DLGAP2: variants seen among roughly 807,000 people sequenced by gnomAD.
The protein encoded by DLGAP2 is DLG associated protein 2, also known as disks large-associated protein 2.
Under a neutral mutation model 100.3 loss-of-function variants are expected in DLGAP2, and 26 were observed. The observed-to-expected ratio is 0.26, with a 90% CI of 0.19 to 0.36. The LOEUF (loss-of-function observed/expected upper bound fraction) is 0.36, where lower values mean the gene tolerates loss of function less well. DLGAP2 is among the 10% of genes least tolerant of loss of function. DLGAP2 has a pLI of 1.00. For synonymous variants in DLGAP2, 886 were observed against 630.1 expected, an observed-to-expected ratio of 1.41 and a Z score of -6.08; for missense variants, 1,858 against 1,453.2, an observed-to-expected ratio of 1.28 and a Z score of -4.53.
chr8:926,636 C>T (rs573267306), intron 2 of DLGAP2, among the ~76,000 whole-genome samples: 20 of 152,184 alleles, frequency 1.3e-4, no homozygotes, highest in African/African-American at 4.1e-4. Context: ...TCTCTGGAAC[C>T]GCCTGGGCGG....
intron 1 of DLGAP2, among the ~76,000 whole-genome samples, chr8:801,374 C>G (rs1384486549): frequency 6.6e-6 from 1 of 152,074 alleles, no homozygotes. Flanking sequence ...TAAAGAGAAA[C>G]TGAGGAAGAT....
chr8:1,557,623 C>T (rs186762579), intron 5 of DLGAP2, among the ~76,000 whole-genome samples: 9 of 152,216 alleles, frequency 5.9e-5, no homozygotes, highest in Admixed American at 2.6e-4. Flanking sequence ...CATACACACC[C>T]GGGGGGCGTG....
intron 2 of DLGAP2, among the ~76,000 whole-genome samples, chr8:1,024,638 C>A (rs1801738574): frequency 1.3e-5 from 2 of 152,172 alleles, no homozygotes; most frequent in South Asian, 4.1e-4. Context: ...TGACTGGAGA[C>A]AGAACTAAAA....
intron 3 of DLGAP2, among the ~76,000 whole-genome samples, chr8:1,488,674 C>A (rs1799291739): frequency 6.6e-6 from 1 of 152,178 alleles, no homozygotes. Context: ...ATCCATGCTG[C>A]CACGGAGTAG....
chr8:1,045,502 A>C (rs1802490174), intron 2 of DLGAP2, among the ~76,000 whole-genome samples: 1 of 152,192 alleles, frequency 6.6e-6, no homozygotes, highest in Non-Finnish European at 1.5e-5. Flanking sequence ...TCTTGGATGA[A>C]ACCCTTAAAA....
intron 1 of DLGAP2, among the ~76,000 whole-genome samples, chr8:885,342 A>G (rs1797902713): frequency 6.6e-6 from 1 of 152,128 alleles, no homozygotes; most frequent in South Asian, 2.1e-4. Context: ...GGTCCTTCAC[A>G]TCCCTTGTTA....
At position 790,768 on chromosome 8, in the gene DLGAP2, C is replaced by T. The variant is rs148065416; in HGVS notation, c.18+52943C>T. 4.0e-3 allele frequency among the ~76,000 whole-genome samples: 604 copies of T among 152,106 alleles called. 5 individuals carry two copies. The highest frequency in any genetic ancestry group is 0.014 in the African/African-American group (566 of 41,476). On this transcript the variant is annotated intron_variant, in intron 1 of 14. Transcript: ENST00000637795. ...TTTTTTTGTGTGTGTGTTTTTGAAA[C>T]AGGGTTTCTTTCTGTTGCCCAGGCT...
At chr8:1,683,834 C>CTATATATATATG (rs1554430742) in intron 12 of DLGAP2, among the ~76,000 whole-genome samples, 2 of 56,206 alleles carry the variant, frequency 3.6e-5, no homozygotes, top group African/African-American at 1.9e-4. Flanking sequence ...CTTTGCTCCA[C>CTATATATATATG]TATATATATA....
At chr8:1,237,227 A>T (rs77829375) in intron 2 of DLGAP2, among the ~76,000 whole-genome samples, 1 of 137,042 alleles carries the variant, frequency 7.3e-6, no homozygotes, top group Non-Finnish European at 1.5e-5. Context: ...GTTCTCTCAC[A>T]TGGCGCCGTG....
At chr8:958,582 C>CAA (rs1207044026) in intron 2 of DLGAP2, among the ~76,000 whole-genome samples, 32 of 85,494 alleles carry the variant, frequency 3.7e-4, no homozygotes, top group Non-Finnish European at 4.7e-4. Flanking sequence ...ACTAGACCTC[C>CAA]AAAAAAAAAA....
In DLGAP2 at chr8:1,707,955, A is replaced by G. The variant is rs1364735913; in HGVS notation, c.*6549A>G. The G allele has an allele frequency of 6.6e-6, 1 of 152,650 alleles. No individual in the cohort carries two copies. 9.5% of individuals were successfully genotyped at this position (152,650 alleles called of 1,614,324 possible). ...CTATTTAGTAGCATGCAGGATACCT[A>G]ATCTGAATGTGCAATATGCTATTCA... On this transcript the variant is annotated 3_prime_UTR_variant, in exon 15 of 15. Transcript: ENST00000637795.
At chr8:1,588,960 A>G (rs6558491) in intron 6 of DLGAP2, among the ~76,000 whole-genome samples, 63,858 of 151,854 alleles carry the variant, frequency 0.42, 13,523 homozygotes, top group African/African-American at 0.43. Flanking sequence ...AAATCTGCCA[A>G]TGTGAGCATT....
At chr8:873,483 TAAGTC>T (rs1281652211) in intron 1 of DLGAP2, among the ~76,000 whole-genome samples, 1 of 152,214 alleles carries the variant, frequency 6.6e-6, no homozygotes, top group Admixed American at 6.5e-5. Flanking sequence ...TGCCTTTTAT[TAAGTC>T]AAGGAACTTT....
intron 1 of DLGAP2, among the ~76,000 whole-genome samples, chr8:790,475 T>TA (rs1200876553): frequency 6.6e-6 from 1 of 152,210 alleles, no homozygotes; most frequent in East Asian, 1.9e-4. Context: ...AGTTACCTTA[T>TA]AAATGCTTAG....
At chr8:1,528,782 A>G (rs11987396) in intron 4 of DLGAP2, among the ~76,000 whole-genome samples, 8,676 of 152,280 alleles carry the variant, frequency 0.057, 810 homozygotes, top group African/African-American at 0.19. Context: ...GAGGAGACAC[A>G]GGAAAGGAAT....
intron 4 of DLGAP2, among the ~76,000 whole-genome samples, chr8:1,544,122 C>G (rs1226842420): frequency 6.6e-6 from 1 of 152,092 alleles, no homozygotes; most frequent in African/African-American, 2.4e-5. Flanking sequence ...AGGCTGGTCT[C>G]AAACTCCTGG....
chr8:805,330 C>G (rs1297881699), intron 1 of DLGAP2, among the ~76,000 whole-genome samples: 1 of 152,142 alleles, frequency 6.6e-6, no homozygotes, highest in African/African-American at 2.4e-5. Flanking sequence ...TAGGGAAGCC[C>G]TTCTGATCGC....
intron 1 of DLGAP2, among the ~76,000 whole-genome samples, chr8:791,201 G>T (rs1822017364): frequency 1.3e-5 from 2 of 152,272 alleles, no homozygotes; most frequent in East Asian, 3.9e-4. Flanking sequence ...TTAATAATCA[G>T]CCCTAATCCT....
intron 3 of DLGAP2, among the ~76,000 whole-genome samples, chr8:1,315,071 A>G (rs944673565): frequency 1.3e-5 from 2 of 152,258 alleles, no homozygotes; most frequent in Non-Finnish European, 1.5e-5. Flanking sequence ...CTTTTTTACA[A>G]AAGAGGTTTT....
Sources: gnomAD v4.1 joint callset for allele counts (sites outside exome capture counted in the v4.1 genomes callset) on GRCh38, gnomAD v4.1.1 for gene constraint, MANE v1.5 for transcripts, NCBI Gene and HGNC (gene_info 2026-07-23, HGNC 2026-07-21) for gene names.